Variants in CLCN4 observed in about 807,000 individuals in gnomAD.
CLCN4 encodes the protein H(+)/Cl(-) exchange transporter 4.
In CLCN4, 1 loss-of-function variant was observed where a neutral mutation model predicts 41.7. The observed-to-expected ratio is 0.02, with a 90% CI of 0.01 to 0.11. The LOEUF (loss-of-function observed/expected upper bound fraction) is 0.11. CLCN4 is among the 10% of genes least tolerant of loss of function. CLCN4 has a pLI of 1.00. For synonymous variants in CLCN4, 277 were observed against 285.8 expected (o/e 0.97, Z 0.31); for missense variants, 287 against 661.0 (o/e 0.43, Z 6.20).
chrX:10,219,911 G>A (rs554721458), intron 11 of CLCN4, among the ~76,000 whole-genome samples: 6 of 112,361 alleles, frequency 5.3e-5, no homozygotes, highest in African/African-American at 1.9e-4. Context: ...ACCGCGTTAA[G>A]CTGTATTTCT....
At chrX:10,188,526 G>A (rs1237911056) in intron 4 of CLCN4, among the ~76,000 whole-genome samples, 2 of 112,208 alleles carry the variant, frequency 1.8e-5, no homozygotes. Context: ...GGGGAAACAC[G>A]TCTTTTTAAT....
intron 2 of CLCN4, among the ~76,000 whole-genome samples, chrX:10,178,793 C>T (rs1923599365): frequency 9.0e-6 from 1 of 111,506 alleles, no homozygotes; most frequent in Non-Finnish European, 1.9e-5. Flanking sequence ...GACTTCATTG[C>T]TTCACAGCCA....
At chrX:10,174,141 C>A (rs992231756) in intron 2 of CLCN4, among the ~76,000 whole-genome samples, 1 of 112,221 alleles carries the variant, frequency 8.9e-6, no homozygotes, top group African/African-American at 3.2e-5. Context: ...TTCCCTCCCG[C>A]CATACACCCT....
rs1462345137 is a variant in CLCN4, at chrX:10,185,062, T to C, written c.30T>C (p.Ser10=). 1 of 1,208,104 alleles carries C rather than the reference T, an allele frequency of 8.3e-7. No homozygotes were observed. Among genetic ancestry groups the C allele is most frequent in the Non-Finnish European group, 1.1e-6 (1 of 893,928 alleles). The change falls in exon 3 of 13, where the codon TCT becomes TCC. Residue 10 remains serine, a synonymous_variant. Coordinates refer to ENST00000380833, the MANE Select transcript of CLCN4 (RefSeq NM_001830.4). The part of the protein sequence containing the change: MVNAGAMSG[S]GNLMDFLDEP... Reference sequence around the variant, plus strand: ...TCAATGCGGGAGCGATGAGTGGCTCTGGAAACCTGATGGATTTCCTCGATG... The same window carrying C: ...TCAATGCGGGAGCGATGAGTGGCTCCGGAAACCTGATGGATTTCCTCGATG...
At position 10,185,038 on chromosome X, in the gene CLCN4, C is replaced by T. The variant is rs1430667469; in HGVS notation, c.6C>T (p.Val2=). ...CTTGCCCAGGTGTAATTAGCATGGTCAATGCGGGAGCGATGAGTGGCTCTG... is the reference window on the plus strand; with the variant it reads ...CTTGCCCAGGTGTAATTAGCATGGTTAATGCGGGAGCGATGAGTGGCTCTG... M[V]NAGAMSGSGN... Residue 2 remains valine (V), a synonymous_variant, in exon 3 of 13, where the codon GTC becomes GTT. Transcript: ENST00000380833. 4 of 1,201,291 alleles carry T rather than the reference C, an allele frequency of 3.3e-6. No individual in the cohort carries two copies. In the East Asian group the frequency reaches 1.2e-4, roughly 36 times the overall value.
intron 2 of CLCN4, among the ~76,000 whole-genome samples, chrX:10,175,941 T>TCTCTCTCTCCCC (rs1555972634): frequency 2.6e-4 from 15 of 58,668 alleles, no homozygotes; most frequent in East Asian, 4.7e-3. Context: ...CCTCCCTCCC[T>TCTCTCTCTCCCC]CTCCCTCTCT....
intron 12 of CLCN4, among the ~76,000 whole-genome samples, chrX:10,225,336 C>A (rs188203042): frequency 9.8e-5 from 11 of 112,416 alleles, no homozygotes; most frequent in Admixed American, 3.8e-4. Context: ...ATTTGCATTT[C>A]CCTAATGATC....
chrX:10,174,435 C>T (rs893602063), intron 2 of CLCN4, among the ~76,000 whole-genome samples: 2 of 112,620 alleles, frequency 1.8e-5, no homozygotes, highest in African/African-American at 3.2e-5. Flanking sequence ...CCAAGTCCTC[C>T]GCTGACCCTT....
chrX:10,183,400 G>T (rs1258564927), intron 2 of CLCN4, among the ~76,000 whole-genome samples: 1 of 111,837 alleles, frequency 8.9e-6, no homozygotes, highest in African/African-American at 3.3e-5. Context: ...GTTTCATTGG[G>T]TCGTGGTTGA....
At chrX:10,183,739 T>C (rs1602144609) in intron 2 of CLCN4, among the ~76,000 whole-genome samples, 1 of 112,395 alleles carries the variant, frequency 8.9e-6, no homozygotes, top group East Asian at 2.8e-4. Flanking sequence ...TCGCGATTGT[T>C]TTCCAGGTGA....
intron 2 of CLCN4, among the ~76,000 whole-genome samples, chrX:10,181,201 TA>T (rs1356495233): frequency 9.2e-5 from 10 of 108,180 alleles, no homozygotes; most frequent in East Asian, 2.9e-4. Flanking sequence ...CTACAGATAA[TA>T]AAAAAAAATT....
intron 2 of CLCN4, among the ~76,000 whole-genome samples, chrX:10,175,979 T>C (rs1336275005): frequency 1.0e-5 from 1 of 99,797 alleles, no homozygotes; most frequent in Non-Finnish European, 2.0e-5. Flanking sequence ...TCTGTGTGTG[T>C]GTGTATGTGT....
intron 2 of CLCN4, among the ~76,000 whole-genome samples, chrX:10,183,044 C>T (rs775683090): frequency 1.8e-5 from 2 of 112,126 alleles, no homozygotes; most frequent in Non-Finnish European, 3.8e-5. Flanking sequence ...GGAGGGTCAA[C>T]AGCCTGTCGT....
In CLCN4 at chrX:10,185,091, C is replaced by T. The variant is rs762313297; in HGVS notation, c.59C>T (p.Pro20Leu). 7 of 1,207,712 alleles carry T rather than the reference C, an allele frequency of 5.8e-6. No homozygotes were observed. The highest frequency in any genetic ancestry group is 5.6e-6 in the Non-Finnish European group (5 of 893,733). The change falls in exon 3 of 13, where the codon CCG becomes CTG. Residue 20 changes from proline to leucine, a missense_variant. Physicochemically the swap from Pro to Leu is moderately conservative, Grantham distance 98. Transcript: ENST00000380833. ...AACCTGATGGATTTCCTCGATGAGC[C>T]GTTCCCTGATGTGGGGACGTATGAG... ...SGNLMDFLDE[P>L]FPDVGTYEDF... is the part of the protein sequence containing the mutation.
chrX:10,215,614 T>C (rs1321319283), intron 11 of CLCN4, among the ~76,000 whole-genome samples: 5 of 111,790 alleles, frequency 4.5e-5, no homozygotes, highest in African/African-American at 1.6e-4. Flanking sequence ...AATTTTTTCA[T>C]TCCCTAGGAT....
At chrX:10,157,358 T>G (rs1446082491) in intron 1 of CLCN4, among the ~76,000 whole-genome samples, 1 of 112,046 alleles carries the variant, frequency 8.9e-6, no homozygotes, top group Non-Finnish European at 1.9e-5. Context: ...TAAACTTAAC[T>G]CTAGCCTGCT....
At chrX:10,170,782 TA>T (rs1923367627) in intron 2 of CLCN4, among the ~76,000 whole-genome samples, 1 of 112,701 alleles carries the variant, frequency 8.9e-6, no homozygotes, top group South Asian at 3.7e-4. Flanking sequence ...CAGGCCATTT[TA>T]GTGCCCACGT....
chrX:10,208,606 G>A lies in CLCN4; in HGVS notation c.1389+16G>A. ...TGGCATGAAGGTAAGTGAAAGGGAA[G>A]GAAGATGGGGTGGGGACCCATGTCC... On this transcript the variant is annotated intron_variant, in intron 9 of 12. Coordinates refer to ENST00000380833, the MANE Select transcript of CLCN4 (RefSeq NM_001830.4). The A allele has an allele frequency of 8.5e-7, 1 of 1,181,901 alleles. No homozygotes were observed. Among genetic ancestry groups the A allele is most frequent in the Non-Finnish European group, 1.1e-6 (1 of 878,523 alleles).
At chrX:10,183,681 A>C (rs1250833764) in intron 2 of CLCN4, among the ~76,000 whole-genome samples, 2 of 112,263 alleles carry the variant, frequency 1.8e-5, no homozygotes, top group Non-Finnish European at 3.8e-5. Flanking sequence ...TGCAATCTGT[A>C]AATCAGGCTC....
Sources: allele counts gnomAD v4.1 joint callset (sites outside exome capture counted in the v4.1 genomes callset), GRCh38; gene constraint gnomAD v4.1.1; transcripts MANE v1.5; gene names NCBI Gene and HGNC (gene_info 2026-07-23, HGNC 2026-07-21).